Variants in ROBO1 observed in about 807,000 individuals in gnomAD.
The protein encoded by ROBO1 is roundabout guidance receptor 1.
Under a neutral mutation model 195.9 loss-of-function variants are expected in ROBO1, and 149 were observed. The ratio of observed to expected loss-of-function variants is 0.76; its 90% CI spans 0.67 to 0.87. The LOEUF is 0.87. Among genes scored for constraint, ROBO1 ranks in the 40% least tolerant of loss-of-function variants. The pLI, the probability that ROBO1 is intolerant of heterozygous loss-of-function variation, is 0.00. For missense variants in ROBO1, 1,933 were observed against 2,068.3 expected, an observed-to-expected ratio of 0.93 and a Z score of 1.27; for synonymous variants, 816 against 733.2, an observed-to-expected ratio of 1.11 and a Z score of -1.82.
At chr3:78,896,365 G>C (rs928342818) in intron 4 of ROBO1, among the ~76,000 whole-genome samples, 8 of 152,206 alleles carry the variant, frequency 5.3e-5, no homozygotes, top group South Asian at 4.1e-4. Context: ...CACAAAAGAC[G>C]TGAAAATAGC....
intron 3 of ROBO1, among the ~76,000 whole-genome samples, chr3:79,019,676 C>A (rs1269848426): frequency 6.6e-6 from 1 of 152,116 alleles, no homozygotes; most frequent in Non-Finnish European, 1.5e-5. Flanking sequence ...AATCGGAAAT[C>A]CAGGCGAATG....
chr3:79,437,666 TG>T (rs1234336652), intron 2 of ROBO1, among the ~76,000 whole-genome samples: 1 of 151,990 alleles, frequency 6.6e-6, no homozygotes, highest in Non-Finnish European at 1.5e-5. Flanking sequence ...ACATATGTAC[TG>T]TATGGTTCTA....
At chr3:79,027,588 C>T (rs141298698) in intron 3 of ROBO1, among the ~76,000 whole-genome samples, 16 of 152,072 alleles carry the variant, frequency 1.1e-4, no homozygotes, top group African/African-American at 3.6e-4. Flanking sequence ...GAACAAACAG[C>T]TCTTGAAAAC....
intron 2 of ROBO1, among the ~76,000 whole-genome samples, chr3:79,367,185 G>C (rs1036503161): frequency 6.6e-6 from 1 of 152,288 alleles, no homozygotes. Context: ...TTACATGCAG[G>C]AAGTGTCATA....
At position 79,260,107 on chromosome 3, in the gene ROBO1, A is replaced by AATATAT. The variant is rs145703074; in HGVS notation, c.89-134574_89-134569dup. Among the ~76,000 whole-genome samples the AATATAT allele has an allele frequency of 4.1e-4, 60 of 145,902 alleles. 1 individual carries two copies. Among genetic ancestry groups the AATATAT allele is most frequent in the African/African-American group, 1.4e-3 (58 of 40,056 alleles). On this transcript the variant is annotated intron_variant, in intron 2 of 30. Coordinates refer to ENST00000464233, the MANE Select transcript of ROBO1 (RefSeq NM_002941.4). ...ATATGTACACACACACACACACACA[A>AATATAT]ATATATATATATATATATTTGTATT...
rs114588130 is a variant in ROBO1, at chr3:79,538,226, A to C, written c.88+51598T>G. Among the ~76,000 whole-genome samples, 637 of 152,304 alleles carry C rather than the reference A, an allele frequency of 4.2e-3. 3 individuals are homozygous for C. The highest frequency in any genetic ancestry group is 7.6e-3 in the Admixed American group (117 of 15,296). On this transcript the variant is annotated intron_variant, in intron 2 of 30. Coordinates refer to ENST00000464233, the MANE Select transcript of ROBO1 (RefSeq NM_002941.4). Reference sequence around the variant, plus strand: ...GTAACACTTTTGTGTCTGAAGAGTTAATACAGATTTAATGTATCTTTCCAA... The same window carrying C: ...GTAACACTTTTGTGTCTGAAGAGTTCATACAGATTTAATGTATCTTTCCAA...
At chr3:79,760,497 C>CAAA (rs71631676) in intron 1 of ROBO1, among the ~76,000 whole-genome samples, 3,212 of 114,734 alleles carry the variant, frequency 0.028, 60 homozygotes, top group African/African-American at 0.057. Flanking sequence ...AATGCAATAC[C>CAAA]AAAAAAAAAA....
chr3:79,422,461 C>T (rs2038266200), intron 2 of ROBO1, among the ~76,000 whole-genome samples: 1 of 151,996 alleles, frequency 6.6e-6, no homozygotes. Context: ...AATTGACAAA[C>T]ATTTATTAAA....
intron 2 of ROBO1, among the ~76,000 whole-genome samples, chr3:79,498,541 C>T (rs749668704): frequency 3.3e-5 from 5 of 151,994 alleles, no homozygotes; most frequent in African/African-American, 4.8e-5. Context: ...AATATGGTAG[C>T]GCAACTAATA....
chr3:78,972,246 C>T (rs1009682), intron 3 of ROBO1, among the ~76,000 whole-genome samples: 7,662 of 152,074 alleles, frequency 0.05, 225 homozygotes, highest in Middle Eastern at 0.1. Context: ...GAGTATTTTC[C>T]AAGAAGTGTC....
intron 1 of ROBO1, among the ~76,000 whole-genome samples, chr3:79,723,524 C>A (rs1267679199): frequency 6.6e-6 from 1 of 152,120 alleles, no homozygotes; most frequent in Non-Finnish European, 1.5e-5. Context: ...ATCCCCTACT[C>A]CCTAAAATCA....
At chr3:78,686,661 T>G (rs2107829221) in intron 9 of ROBO1, among the ~76,000 whole-genome samples, 1 of 152,268 alleles carries the variant, frequency 6.6e-6, no homozygotes, top group Non-Finnish European at 1.5e-5. Flanking sequence ...CTAGGATTAT[T>G]AATATTAAGA....
chr3:79,072,691 A>G (rs544513627), intron 3 of ROBO1, among the ~76,000 whole-genome samples: 2 of 152,098 alleles, frequency 1.3e-5, no homozygotes, highest in South Asian at 4.1e-4. Context: ...TAAAATTTTT[A>G]TGTACTGTAT....
At chr3:79,070,924 A>AT (rs955256294) in intron 3 of ROBO1, among the ~76,000 whole-genome samples, 4 of 151,540 alleles carry the variant, frequency 2.6e-5, no homozygotes, top group African/African-American at 7.3e-5. Flanking sequence ...TTTATTAGTT[A>AT]TTTTTTAATT....
intron 4 of ROBO1, among the ~76,000 whole-genome samples, chr3:78,806,490 T>A (rs1229264561): frequency 6.6e-6 from 1 of 152,162 alleles, no homozygotes; most frequent in Non-Finnish European, 1.5e-5. Flanking sequence ...CAGAGCCTAC[T>A]TAATAGTATG....
chr3:79,043,187 A>G (rs1188674741), intron 3 of ROBO1, among the ~76,000 whole-genome samples: 1 of 152,114 alleles, frequency 6.6e-6, no homozygotes, highest in African/African-American at 2.4e-5. Flanking sequence ...GAAACCCATA[A>G]TTGGAGGTTT....
At chr3:79,135,099 C>G (rs1264083115) in intron 2 of ROBO1, among the ~76,000 whole-genome samples, 1 of 151,828 alleles carries the variant, frequency 6.6e-6, no homozygotes, top group Non-Finnish European at 1.5e-5. Flanking sequence ...ATAATACGTT[C>G]TTATTAAACA....
At chr3:79,211,806 C>T (rs568686756) in intron 2 of ROBO1, among the ~76,000 whole-genome samples, 4 of 152,216 alleles carry the variant, frequency 2.6e-5, no homozygotes, top group African/African-American at 9.6e-5. Context: ...AGGGGAGACC[C>T]TAACCTAGCT....
intron 4 of ROBO1, among the ~76,000 whole-genome samples, chr3:78,795,083 A>G (rs1280774856): frequency 1.3e-5 from 2 of 152,164 alleles, no homozygotes; most frequent in Non-Finnish European, 2.9e-5. Context: ...TATCACTGAT[A>G]TTTTCCTTGC....
Sources: allele counts gnomAD v4.1 joint callset (sites outside exome capture counted in the v4.1 genomes callset), GRCh38; gene constraint gnomAD v4.1.1; transcripts MANE v1.5; gene names NCBI Gene and HGNC (gene_info 2026-07-23, HGNC 2026-07-21).